Variants in TNS3 observed in about 807,000 individuals in gnomAD.
The protein encoded by TNS3 is tensin 3, also known as tensin-3.
In TNS3, 45 loss-of-function variants were observed where a neutral mutation model predicts 140.9. The ratio of observed to expected loss-of-function variants is 0.32; its 90% confidence interval spans 0.25 to 0.41. The LOEUF is 0.41. Ranked by LOEUF, TNS3 falls within the 10% of genes least tolerant of loss-of-function variation. The probability of loss-of-function intolerance (pLI) is 1.00; values close to 1 mark genes in which losing one functional copy is unlikely to be tolerated. For missense variants in TNS3, 1,716 were observed against 1,906.7 expected, an observed-to-expected ratio of 0.90 and a Z score of 1.86; for synonymous variants, 815 against 788.4, an observed-to-expected ratio of 1.03 and a Z score of -0.56.
At chr7:47,534,036 C>A (rs906852250) in intron 1 of TNS3, among the ~76,000 whole-genome samples, 1 of 152,014 alleles carries the variant, frequency 6.6e-6, no homozygotes, top group Admixed American at 6.6e-5. Flanking sequence ...CATTTTGGGA[C>A]GCCGAGGCGG....
At chr7:47,571,869 G>C (rs560044199) in intron 1 of TNS3, among the ~76,000 whole-genome samples, 1 of 152,210 alleles carries the variant, frequency 6.6e-6, no homozygotes, top group Non-Finnish European at 1.5e-5. Context: ...TGCTTGCCCC[G>C]TGCGTGGTGT....
chr7:47,460,822 G>C (rs1260644363), intron 4 of TNS3, among the ~76,000 whole-genome samples: 1 of 152,154 alleles, frequency 6.6e-6, no homozygotes, highest in Non-Finnish European at 1.5e-5. Flanking sequence ...TATTGAAGGA[G>C]GAGGAACAGC....
At chr7:47,435,542 G>A in intron 7 of TNS3, 138 bp from the exon 8 acceptor site, 2 of 1,229,906 alleles carry the variant, frequency 1.6e-6, no homozygotes, top group Non-Finnish European at 1.2e-6. Flanking sequence ...CTAAAACTCA[G>A]TGAGCATGAG....
intron 1 of TNS3, among the ~76,000 whole-genome samples, chr7:47,546,813 G>A (rs1799932449): frequency 6.6e-6 from 1 of 152,192 alleles, no homozygotes; most frequent in Non-Finnish European, 1.5e-5. Flanking sequence ...TAAACTACGC[G>A]TGTGCCAAGA....
At chr7:47,283,657 G>A (rs759934168) in intron 28 of TNS3, 40 bp downstream of exon 28, 8 of 1,489,326 alleles carry the variant, frequency 5.4e-6, no homozygotes, top group East Asian at 4.9e-5. Context: ...TGACAGCCCC[G>A]CCCCTGCTGG....
At chr7:47,305,262 A>G (rs945298730) in intron 20 of TNS3, among the ~76,000 whole-genome samples, 1 of 152,222 alleles carries the variant, frequency 6.6e-6, no homozygotes, top group Non-Finnish European at 1.5e-5. Flanking sequence ...CACAGTGTCC[A>G]GCCCATTACC....
chr7:47,457,665 A>G (rs895283421), intron 4 of TNS3, among the ~76,000 whole-genome samples: 1 of 152,174 alleles, frequency 6.6e-6, no homozygotes, highest in Non-Finnish European at 1.5e-5. Context: ...TAGAGCTCCA[A>G]GTCAGTCCCC....
intron 1 of TNS3, among the ~76,000 whole-genome samples, chr7:47,534,784 G>A (rs2151952061): frequency 6.6e-6 from 1 of 152,286 alleles, no homozygotes; most frequent in East Asian, 1.9e-4. Flanking sequence ...TGCAAAAGAA[G>A]GATAATGATG....
At chr7:47,570,413 C>T (rs1800525711) in intron 1 of TNS3, among the ~76,000 whole-genome samples, 1 of 152,202 alleles carries the variant, frequency 6.6e-6, no homozygotes, top group Non-Finnish European at 1.5e-5. Context: ...CATCAACTTT[C>T]AATAACACAA....
chr7:47,519,110 G>A (rs1197533989), intron 2 of TNS3, among the ~76,000 whole-genome samples: 1 of 152,160 alleles, frequency 6.6e-6, no homozygotes, highest in African/African-American at 2.4e-5. Context: ...CAAGCCCAGA[G>A]TCAGTGAGAC....
intron 4 of TNS3, among the ~76,000 whole-genome samples, chr7:47,460,130 G>A (rs559570852): frequency 2.0e-5 from 3 of 151,038 alleles, no homozygotes; most frequent in Non-Finnish European, 3.0e-5. Flanking sequence ...GGAGAATGGC[G>A]TGAACCTGAG....
At chr7:47,451,511 G>A (rs1193321890) in intron 4 of TNS3, among the ~76,000 whole-genome samples, 1 of 152,166 alleles carries the variant, frequency 6.6e-6, no homozygotes, top group African/African-American at 2.4e-5. Flanking sequence ...AACCCAGGAG[G>A]TGGAGATTGC....
At chr7:47,301,124 A>G (rs1340332791) in intron 23 of TNS3, among the ~76,000 whole-genome samples, 6 of 152,160 alleles carry the variant, frequency 3.9e-5, no homozygotes, top group Admixed American at 3.3e-4. Context: ...TTTCTTCTGA[A>G]GTTGAGGTAA....
intron 4 of TNS3, among the ~76,000 whole-genome samples, chr7:47,457,441 A>C (rs922407216): frequency 6.6e-6 from 1 of 152,104 alleles, no homozygotes; most frequent in African/African-American, 2.4e-5. Flanking sequence ...CACACACGTC[A>C]TGGATAGGCA....
chr7:47,358,061 T>C (rs1790097351), intron 17 of TNS3, among the ~76,000 whole-genome samples: 2 of 152,260 alleles, frequency 1.3e-5, no homozygotes, highest in South Asian at 4.1e-4. Context: ...CAGGCTTCAA[T>C]GCCTGCCTGT....
chr7:47,291,996 G>A lies in TNS3; in HGVS notation c.3887C>T (p.Thr1296Met), dbSNP rs41280696. The change falls in exon 27 of 31, where the codon ACG becomes ATG. Residue 1296 changes from threonine (T) to methionine (M), a missense_variant. Physicochemically the swap from Thr to Met is moderately conservative, Grantham distance 81. Around this residue, in one of 3 missense-constraint regions of TNS3, gnomAD observed 216 missense variants for 295.7 expected, o/e 0.73. Coordinates refer to ENST00000311160, the MANE Select transcript of TNS3 (RefSeq NM_022748.12). ...CAGCTCAGCTGCTGAATTGGCTGCC[G>A]TCTGGGGAGAACTTTCTGCTATTTC... ...LEEIAESSPQ[T>M]AANSAAELLK... 7.5e-3 allele frequency: 12,152 copies of A among 1,614,146 alleles called. 61 individuals are homozygous for A. Among genetic ancestry groups the A allele is most frequent in the Non-Finnish European group, 9.2e-3 (10,894 of 1,180,012 alleles).
At chr7:47,399,603 G>A (rs1793039043) in intron 15 of TNS3, among the ~76,000 whole-genome samples, 2 of 152,192 alleles carry the variant, frequency 1.3e-5, no homozygotes, top group South Asian at 2.1e-4. Flanking sequence ...ATGGTGCTGG[G>A]AAAACTGGCT....
At chr7:47,470,794 T>A (rs1419790643) in intron 4 of TNS3, 1 of 248,676 alleles carries the variant, frequency 4.0e-6, no homozygotes, top group Non-Finnish European at 6.4e-6. Context: ...AGGGTTAATA[T>A]GTTCCCTGCT....
At chr7:47,286,566 C>T (rs1360694990) in intron 27 of TNS3, among the ~76,000 whole-genome samples, 1 of 152,138 alleles carries the variant, frequency 6.6e-6, no homozygotes, top group Non-Finnish European at 1.5e-5. Flanking sequence ...AAGGCACCCA[C>T]CAGACCCATG....
Sources: allele counts gnomAD v4.1 joint callset (sites outside exome capture counted in the v4.1 genomes callset), GRCh38; gene constraint gnomAD v4.1.1; regional missense constraint gnomAD v4.1.1; transcripts MANE v1.5; gene names NCBI Gene and HGNC (gene_info 2026-07-23, HGNC 2026-07-21).